The following BCAS4 variants were observed in gnomAD, a reference collection of about 807,000 sequenced individuals.
BCAS4 encodes breast carcinoma amplified sequence 4.
A neutral mutation model predicts 15.7 loss-of-function variants in BCAS4; 9 were observed. The observed-to-expected ratio is 0.57, with a 90% CI of 0.34 to 1.00. The LOEUF (loss-of-function observed/expected upper bound fraction) is 1.00. BCAS4 is among the 50% of genes least tolerant of loss of function. The pLI is 0.02. For synonymous variants in BCAS4, 101 were observed against 99.5 expected, an observed-to-expected ratio of 1.02 and a Z score of -0.09; for missense variants, 225 against 239.1, an observed-to-expected ratio of 0.94 and a Z score of 0.39.
chr20:50,856,742 G>T (rs1297796239), intron 4 of BCAS4, among the ~76,000 whole-genome samples: 1 of 152,188 alleles, frequency 6.6e-6, no homozygotes, highest in East Asian at 1.9e-4. Context: ...TTGCAGGGCT[G>T]CCTGCCAGCA....
chr20:50,799,546 G>T (rs2087903643), intron 1 of BCAS4, among the ~76,000 whole-genome samples: 1 of 152,182 alleles, frequency 6.6e-6, no homozygotes, highest in South Asian at 2.1e-4. Context: ...CTCCCAACCA[G>T]CCTGTCTCCC....
At chr20:50,809,507 C>G (rs544354423) in intron 1 of BCAS4, among the ~76,000 whole-genome samples, 1 of 152,104 alleles carries the variant, frequency 6.6e-6, no homozygotes, top group Non-Finnish European at 1.5e-5. Flanking sequence ...CCGCACCCAG[C>G]CTTTATAGTA....
chr20:50,863,533 T>C (rs1242727399), intron 4 of BCAS4, among the ~76,000 whole-genome samples: 6 of 152,160 alleles, frequency 3.9e-5, no homozygotes, highest in African/African-American at 1.4e-4. Flanking sequence ...GCTGGAATTA[T>C]ATTCATGAGA....
At chr20:50,850,996 C>T (rs949849089) in intron 4 of BCAS4, among the ~76,000 whole-genome samples, 62 of 152,218 alleles carry the variant, frequency 4.1e-4, no homozygotes, top group African/African-American at 1.4e-3. Flanking sequence ...CCAGGCTCAG[C>T]GTGCTCCCCT....
chr20:50,852,600 T>C (rs1294632148), intron 4 of BCAS4, among the ~76,000 whole-genome samples: 1 of 152,192 alleles, frequency 6.6e-6, no homozygotes, highest in Admixed American at 6.5e-5. Context: ...CAGGCCGGTC[T>C]TGAACTCCTG....
chr20:50,821,119 G>T (rs1244326916), intron 2 of BCAS4, among the ~76,000 whole-genome samples: 3 of 152,168 alleles, frequency 2.0e-5, no homozygotes, highest in Non-Finnish European at 4.4e-5. Flanking sequence ...TGCTCCCGGG[G>T]AGCCTTCCTG....
chr20:50,828,707 A>G (rs996817588), intron 2 of BCAS4, among the ~76,000 whole-genome samples: 1 of 152,132 alleles, frequency 6.6e-6, no homozygotes, highest in African/African-American at 2.4e-5. Context: ...TGGACCTGGG[A>G]GGCGGAGGTT....
chr20:50,801,561 G>T (rs1040455451), intron 1 of BCAS4, among the ~76,000 whole-genome samples: 1 of 152,090 alleles, frequency 6.6e-6, no homozygotes, highest in Non-Finnish European at 1.5e-5. Context: ...GGCTGGTCTC[G>T]AATTCCTGGG....
chr20:50,822,044 T>C (rs1413924331), intron 2 of BCAS4, among the ~76,000 whole-genome samples: 1 of 152,228 alleles, frequency 6.6e-6, no homozygotes, highest in Non-Finnish European at 1.5e-5. Flanking sequence ...CCATTTATTT[T>C]GTGGGCTAGA....
chr20:50,860,949 C>T (rs572043761), intron 4 of BCAS4, among the ~76,000 whole-genome samples: 6 of 150,916 alleles, frequency 4.0e-5, no homozygotes, highest in Admixed American at 1.3e-4. Context: ...GAGCCGTGAT[C>T]GTGCCACTGC....
chr20:50,809,766 C>T (rs968682553), intron 1 of BCAS4, among the ~76,000 whole-genome samples: 2 of 152,092 alleles, frequency 1.3e-5, no homozygotes, highest in Non-Finnish European at 2.9e-5. Context: ...TTGTTTGTGT[C>T]GTCAGTGGTT....
At chr20:50,839,238 T>A (rs1412623450) in intron 3 of BCAS4, among the ~76,000 whole-genome samples, 1 of 152,250 alleles carries the variant, frequency 6.6e-6, no homozygotes, top group Non-Finnish European at 1.5e-5. Context: ...CCTTTAGCCA[T>A]GTACACACGT....
intron 1 of BCAS4, among the ~76,000 whole-genome samples, chr20:50,816,751 G>A (rs113714395): frequency 0.053 from 7,285 of 137,548 alleles, no homozygotes; most frequent in Admixed American, 0.067. Context: ...CAGCCTCCTG[G>A]GTAGCTGGGA....
chr20:50,874,123 A>G (rs1166904491), intron 4 of BCAS4, among the ~76,000 whole-genome samples: 2 of 152,106 alleles, frequency 1.3e-5, no homozygotes, highest in South Asian at 2.1e-4. Flanking sequence ...CTCTTCCTGA[A>G]GTGCAGACCT....
intron 2 of BCAS4, 152 bp downstream of exon 2, chr20:50,818,434 T>C (rs1413267880): frequency 1.6e-5 from 11 of 680,504 alleles, no homozygotes; most frequent in Non-Finnish European, 2.3e-5. Context: ...GTGCAAACAC[T>C]CCCTCCTCTC....
At chr20:50,880,639 T>G (rs1980102356), downstream of BCAS4, 1 of 152,086 alleles carries the variant, frequency 6.6e-6, no homozygotes, top group South Asian at 2.1e-4. Context: ...CTTTTGTGGC[T>G]GATGTTGGAC....
intron 1 of BCAS4, among the ~76,000 whole-genome samples, chr20:50,809,153 G>T (rs572435152): frequency 6.6e-6 from 1 of 151,824 alleles, no homozygotes; most frequent in East Asian, 1.9e-4. Context: ...AAGTATTTGG[G>T]TTTATTTCTG....
At chr20:50,863,289 A>G (rs1206570891) in intron 4 of BCAS4, among the ~76,000 whole-genome samples, 1 of 115,248 alleles carries the variant, frequency 8.7e-6, no homozygotes, top group African/African-American at 3.6e-5. Flanking sequence ...ACGGAGTCTC[A>G]CTCTGTCACC....
At chr20:50,795,673 G>C (rs1170593051) in intron 1 of BCAS4, among the ~76,000 whole-genome samples, 1 of 152,260 alleles carries the variant, frequency 6.6e-6, no homozygotes, top group Non-Finnish European at 1.5e-5. Context: ...CCGGCTGGAG[G>C]CATCTGTCGA....
Sources: gnomAD v4.1 joint callset for allele counts (sites outside exome capture counted in the v4.1 genomes callset) on GRCh38, gnomAD v4.1.1 for gene constraint, MANE v1.5 for transcripts, NCBI Gene and HGNC (gene_info 2026-07-23, HGNC 2026-07-21) for gene names.